BMAL2: variants seen among roughly 807,000 people sequenced by gnomAD.
BMAL2 encodes basic helix-loop-helix ARNT-like protein 2.
the BMAL2 span, chr12:27,415,799 G>A: frequency 4.3e-5 from 43 of 1,011,380 alleles, no homozygotes; most frequent in African/African-American, 4.9e-4. Context: ...AGATTATTAT[G>A]TATTTAGAGG....
the BMAL2 span, chr12:27,400,389 A>G: frequency 4.6e-6 from 3 of 647,836 alleles, no homozygotes; most frequent in Non-Finnish European, 7.1e-6. Flanking sequence ...ATATCTTTTC[A>G]ATGGAATACC....
chr12:27,402,536 T>G, the BMAL2 span: 3 of 1,153,602 alleles, frequency 2.6e-6, no homozygotes, highest in Non-Finnish European at 3.7e-6. Context: ...ATTGACAAAT[T>G]AAATATACAG....
the BMAL2 span, among the ~76,000 whole-genome samples, chr12:27,399,788 T>A: frequency 6.6e-5 from 10 of 152,308 alleles, no homozygotes; most frequent in African/African-American, 2.2e-4. Context: ...TAAATCACTT[T>A]TGTGGCATGC....
chr12:27,371,023 G>A, the BMAL2 span, among the ~76,000 whole-genome samples: 1 of 152,200 alleles, frequency 6.6e-6, no homozygotes, highest in Non-Finnish European at 1.5e-5. Context: ...ACAAAGGTAC[G>A]AGAAACTTGT....
the BMAL2 span, among the ~76,000 whole-genome samples, chr12:27,386,870 A>G: frequency 6.6e-6 from 1 of 152,052 alleles, no homozygotes; most frequent in Non-Finnish European, 1.5e-5. Context: ...AGCTCAAGAG[A>G]TCCACCTGCC....
chr12:27,375,043 T>C, the BMAL2 span, among the ~76,000 whole-genome samples: 1 of 152,228 alleles, frequency 6.6e-6, no homozygotes, highest in African/African-American at 2.4e-5. Flanking sequence ...ATAAGTGTTA[T>C]CTTTTTTTAA....
At chr12:27,380,540 C>T in the BMAL2 span, 2 of 940,936 alleles carry the variant, frequency 2.1e-6, no homozygotes, top group African/African-American at 1.6e-5. Flanking sequence ...TATTCACTGG[C>T]ATTTGTCTAT....
the BMAL2 span, chr12:27,420,300 A>T: frequency 1.3e-6 from 2 of 1,531,890 alleles, no homozygotes; most frequent in South Asian, 1.2e-5. Flanking sequence ...TTGCTTTGCC[A>T]TTTTTTATCA....
the BMAL2 span, chr12:27,390,372 T>G: frequency 9.8e-7 from 1 of 1,018,956 alleles, no homozygotes; most frequent in Non-Finnish European, 1.4e-6. Flanking sequence ...AAAATAAGAT[T>G]TTTTTAAACC....
At chr12:27,339,765 C>T in the BMAL2 span, among the ~76,000 whole-genome samples, 2 of 152,104 alleles carry the variant, frequency 1.3e-5, no homozygotes, top group Non-Finnish European at 2.9e-5. Context: ...GCTGGAACTA[C>T]AGGTGCACGC....
At chr12:27,423,667 A>G in the BMAL2 span, 1 of 152,156 alleles carries the variant, frequency 6.6e-6, no homozygotes, top group Non-Finnish European at 1.5e-5. Context: ...TTACCACTAC[A>G]GTAATGTAGT....
the BMAL2 span, chr12:27,390,210 A>G: frequency 1.9e-6 from 3 of 1,613,996 alleles, no homozygotes; most frequent in South Asian, 1.1e-5. Context: ...AAAGAAGAGC[A>G]TGGATGCTTA....
chr12:27,412,590 A>G, the BMAL2 span, among the ~76,000 whole-genome samples: 3 of 152,166 alleles, frequency 2.0e-5, no homozygotes, highest in Non-Finnish European at 4.4e-5. Flanking sequence ...TCCAGAGTGA[A>G]GAAAGCCCAT....
the BMAL2 span, among the ~76,000 whole-genome samples, chr12:27,351,627 G>A: frequency 1.3e-5 from 2 of 152,172 alleles, no homozygotes; most frequent in Admixed American, 1.3e-4. Context: ...GACAGCCCCT[G>A]TTCCCCAGAG....
chr12:27,383,762 A>G, the BMAL2 span, among the ~76,000 whole-genome samples: 3 of 152,204 alleles, frequency 2.0e-5, no homozygotes, highest in Non-Finnish European at 2.9e-5. Context: ...GTGTAGTAAT[A>G]TTAGCAAGAA....
At chr12:27,389,389 A>ATT in the BMAL2 span, 1 of 758,836 alleles carries the variant, frequency 1.3e-6, no homozygotes, top group South Asian at 1.7e-5. Context: ...CAGCTAACTA[A>ATT]GCTTTTATCA....
chr12:27,360,803 C>CAAAAAAAAAAAAAAAAAAAAAAA, the BMAL2 span, among the ~76,000 whole-genome samples: 52 of 46,792 alleles, frequency 1.1e-3, 12 homozygotes, highest in South Asian at 2.5e-3. Flanking sequence ...GTGATTTGTC[C>CAAAAAAAAAAAAAAAAAAAAAAA]AAAAAAAAAA....
chr12:27,358,882 A>C, the BMAL2 span, among the ~76,000 whole-genome samples: 3 of 151,992 alleles, frequency 2.0e-5, no homozygotes, highest in Admixed American at 2.0e-4. Context: ...CTGTTGCGCA[A>C]ATTTTTTAAT....
At chr12:27,357,040 T>G in the BMAL2 span, among the ~76,000 whole-genome samples, 2 of 152,216 alleles carry the variant, frequency 1.3e-5, no homozygotes, top group South Asian at 2.1e-4. Context: ...TCACTTAGAA[T>G]AATTGGCTCC....
Sources: gnomAD v4.1 joint callset for allele counts (sites outside exome capture counted in the v4.1 genomes callset) on GRCh38, gnomAD v4.1.1 for gene constraint, MANE v1.5 for transcripts, NCBI Gene and HGNC (gene_info 2026-07-23, HGNC 2026-07-21) for gene names.